RAD17: variants seen among roughly 807,000 people sequenced by gnomAD.
The protein encoded by RAD17 is cell cycle checkpoint protein RAD17.
A neutral mutation model predicts 81.5 loss-of-function variants in RAD17; 31 were observed. That is an observed-to-expected ratio of 0.38 (90% CI 0.29 to 0.51). The LOEUF is 0.51. RAD17 is among the 20% of genes least tolerant of loss of function. RAD17 has a pLI of 0.88. For missense variants in RAD17, 681 were observed against 781.2 expected, an observed-to-expected ratio of 0.87 and a Z score of 1.53; for synonymous variants, 261 against 266.2, an observed-to-expected ratio of 0.98 and a Z score of 0.19.
intron 16 of RAD17, 64 bp from the exon 17 acceptor site, chr5:69,399,985 G>C: frequency 9.0e-7 from 1 of 1,106,654 alleles, no homozygotes; most frequent in Non-Finnish European, 1.2e-6. Flanking sequence ...AACTTAGTTT[G>C]TCTAGGAATA....
chr5:69,376,065 G>T lies in RAD17; in HGVS notation c.351+1354G>T, dbSNP rs1763314391. On this transcript the variant is annotated intron_variant, in intron 6 of 18. Transcript: ENST00000354868. ...GTTGAACATTTTTGCAAGAATAAAG[G>T]TCATGTTGTATGTTGTATAGGGCGT... 2.0e-5 allele frequency among the ~76,000 whole-genome samples: 3 copies of T among 152,260 alleles called. No individual in the cohort carries two copies. In the South Asian group the frequency reaches 6.2e-4, roughly 32 times the overall value.
intron 17 of RAD17, among the ~76,000 whole-genome samples, chr5:69,403,662 A>C (rs1473787527): frequency 1.3e-5 from 2 of 152,198 alleles, no homozygotes; most frequent in Admixed American, 6.6e-5. Context: ...GCTCATGCCT[A>C]TAATCCCAGA....
Position 69,379,335 on chromosome 5 carries a change from T to G in RAD17, c.352-2566T>G, listed in dbSNP as rs373837287. On this transcript the variant is annotated intron_variant, in intron 6 of 18. Coordinates refer to ENST00000354868, the MANE Select transcript of RAD17 (RefSeq NM_133338.3). Reference sequence around the variant, plus strand: ...AACTTACCATGAATGGAGCTTGGACTGGAAAATGGTTAAGTCAGTGACTGT... The same window carrying G: ...AACTTACCATGAATGGAGCTTGGACGGGAAAATGGTTAAGTCAGTGACTGT... Among the ~76,000 whole-genome samples the G allele has an allele frequency of 3.9e-5, 6 of 152,320 alleles. No individual in the cohort carries two copies. In the East Asian group the frequency reaches 1.2e-3, roughly 29 times the overall value.
intron 16 of RAD17, among the ~76,000 whole-genome samples, chr5:69,397,690 CAGTT>C (rs1764982936): frequency 6.6e-6 from 1 of 152,168 alleles, no homozygotes. Flanking sequence ...TATAAAATTT[CAGTT>C]AGGCAGGAGG....
chr5:69,407,954 T>C (rs774466416), intron 17 of RAD17, among the ~76,000 whole-genome samples: 4 of 152,208 alleles, frequency 2.6e-5, no homozygotes, highest in Non-Finnish European at 4.4e-5. Flanking sequence ...GAATTTTCAT[T>C]TGGTTCTTTT....
intron 7 of RAD17, among the ~76,000 whole-genome samples, chr5:69,382,940 C>T (rs1763946687): frequency 6.6e-6 from 1 of 152,078 alleles, no homozygotes; most frequent in South Asian, 2.1e-4. Flanking sequence ...TGTGCCACCA[C>T]ACCCAGCTAG....
chr5:69,382,283 C>T lies in RAD17; in HGVS notation c.508+226C>T, dbSNP rs372143320. 4.6e-5 allele frequency among the ~76,000 whole-genome samples: 7 copies of T among 151,958 alleles called. No homozygotes were observed. In the South Asian group the frequency reaches 1.5e-3, roughly 32 times the overall value. On this transcript the variant is annotated intron_variant, in intron 7 of 18. Transcript: ENST00000354868. ...GGGCAACATACAAAGAACCTGTCTA[C>T]AAAAATAAAAAAATCAGCTAGGTAT...
intron 11 of RAD17, 146 bp from the exon 12 acceptor site, chr5:69,388,888 A>C: frequency 4.4e-6 from 2 of 455,422 alleles, no homozygotes; most frequent in East Asian, 7.4e-5. Context: ...GATTATAGGA[A>C]TGTGCCACCG....
intron 6 of RAD17, among the ~76,000 whole-genome samples, chr5:69,381,627 CA>C (rs1206264971): frequency 6.6e-6 from 1 of 152,038 alleles, no homozygotes; most frequent in East Asian, 1.9e-4. Context: ...GAGAAATTAT[CA>C]GAAGCGGAAT....
At chr5:69,385,481 G>A (rs965185621) in intron 8 of RAD17, among the ~76,000 whole-genome samples, 1 of 151,724 alleles carries the variant, frequency 6.6e-6, no homozygotes, top group African/African-American at 2.4e-5. Flanking sequence ...ACGTTGGCCA[G>A]GCTGGTCTCA....
chr5:69,386,157 A>G (rs377371253), intron 9 of RAD17, 23 bp from the exon 10 acceptor site: 3 of 1,599,408 alleles, frequency 1.9e-6, no homozygotes, highest in African/African-American at 2.7e-5. Flanking sequence ...AAATTTCAAC[A>G]TTGCTGTATT....
rs1427042509 is a variant in RAD17 at position 69,386,422 on chromosome 5, T to C, written c.851T>C (p.Met284Thr). Residue 284 changes from methionine to threonine, a missense_variant, in exon 11 of 19, where the codon ATG becomes ACG. Physicochemically the swap from Met to Thr is moderately conservative, Grantham distance 81. Coordinates refer to ENST00000354868, the MANE Select transcript of RAD17 (RefSeq NM_133338.3). ...TTCAACCCTGTGGCACCAACAATTATGATGAAATTTCTTAATCGAATAGTG... is the reference window on the plus strand; with the variant it reads ...TTCAACCCTGTGGCACCAACAATTACGATGAAATTTCTTAATCGAATAGTG... The part of the protein sequence containing the change: ...ISFNPVAPTI[M>T]MKFLNRIVTI... 5 of 1,599,314 alleles carry C rather than the reference T, an allele frequency of 3.1e-6. No individual in the cohort carries two copies. The highest frequency in any genetic ancestry group is 4.3e-6 in the Non-Finnish European group (5 of 1,174,702).
In RAD17 at chr5:69,379,920, G is replaced by C. The variant is rs372112293; in HGVS notation, c.352-1981G>C. On this transcript the variant is annotated intron_variant, in intron 6 of 18. Transcript: ENST00000354868. ...TTTTTGACAGAGTTTCACTCTTGTTGCCCAGGCTGGAGTGCAGTGGTGCAA... is the reference window on the plus strand; with the variant it reads ...TTTTTGACAGAGTTTCACTCTTGTTCCCCAGGCTGGAGTGCAGTGGTGCAA... Among the ~76,000 whole-genome samples the C allele has an allele frequency of 7.4e-5, 11 of 149,426 alleles. No homozygotes were observed. In the East Asian group the frequency reaches 1.8e-3, roughly 24 times the overall value.
chr5:69,378,814 G>A (rs189486729), intron 6 of RAD17, among the ~76,000 whole-genome samples: 288 of 152,252 alleles, frequency 1.9e-3, no homozygotes, highest in African/African-American at 6.6e-3. Flanking sequence ...CCTCCACCTA[G>A]GCTATATGGT....
chr5:69,408,847 A>T (rs141682716), intron 17 of RAD17, among the ~76,000 whole-genome samples: 12 of 152,258 alleles, frequency 7.9e-5, no homozygotes, highest in African/African-American at 2.6e-4. Context: ...TGTTTTCAGC[A>T]GTGCTCTAGG....
chr5:69,374,274 A>G (rs3797091), intron 5 of RAD17, among the ~76,000 whole-genome samples, 187 bp downstream of exon 5: 72,823 of 151,952 alleles, frequency 0.48, 17,594 homozygotes, highest in South Asian at 0.54. Flanking sequence ...CTAAAGTTGT[A>G]TGATTAGTTG....
At chr5:69,382,513 A>G (rs1763919668) in intron 7 of RAD17, among the ~76,000 whole-genome samples, 1 of 152,182 alleles carries the variant, frequency 6.6e-6, no homozygotes, top group Non-Finnish European at 1.5e-5. Flanking sequence ...AAGACAATGG[A>G]ATTTTTTGAA....
chr5:69,380,107 C>G (rs1763757680), intron 6 of RAD17, among the ~76,000 whole-genome samples: 1 of 152,100 alleles, frequency 6.6e-6, no homozygotes, highest in Admixed American at 6.6e-5. Context: ...TCTTGAACTC[C>G]TGACCTCAGA....
chr5:69,392,112 T>C (rs1205060364), intron 13 of RAD17, 99 bp downstream of exon 13: 3 of 1,093,692 alleles, frequency 2.7e-6, no homozygotes, highest in Non-Finnish European at 3.8e-6. Context: ...ATTTTGGTTC[T>C]GCTCTAAGAG....
Sources: gnomAD v4.1 joint callset for allele counts (sites outside exome capture counted in the v4.1 genomes callset) on GRCh38, gnomAD v4.1.1 for gene constraint, MANE v1.5 for transcripts, NCBI Gene and HGNC (gene_info 2026-07-23, HGNC 2026-07-21) for gene names.